The following DMXL1 variants were observed in gnomAD, a reference collection of about 807,000 sequenced individuals.
DMXL1 encodes dmX-like protein 1.
A neutral mutation model predicts 319.2 loss-of-function variants in DMXL1; 99 were observed. The ratio of observed to expected loss-of-function variants is 0.31; its 90% CI spans 0.26 to 0.37. The LOEUF is 0.37. DMXL1 is among the 10% of genes least tolerant of loss of function. The pLI, the probability that DMXL1 is intolerant of heterozygous loss-of-function variation, is 1.00. For missense variants in DMXL1, 3,745 were observed against 3,595.6 expected (o/e 1.04, Z -1.06); for synonymous variants, 1,385 against 1,235.2 (o/e 1.12, Z -2.54).
intron 29 of DMXL1, 96 bp downstream of exon 29, chr5:119,189,982 C>A (rs937722334): frequency 6.3e-6 from 8 of 1,271,992 alleles, no homozygotes; most frequent in Non-Finnish European, 8.7e-6. Context: ...AAATGTTTTC[C>A]CACTTTGGTT....
chr5:119,238,667 A>G (rs1282825599), intron 40 of DMXL1, among the ~76,000 whole-genome samples: 1 of 152,216 alleles, frequency 6.6e-6, no homozygotes, highest in Non-Finnish European at 1.5e-5. Flanking sequence ...AAAAGCAAAG[A>G]GATTCATAAC....
chr5:119,128,015 G>C (rs1018143864), intron 9 of DMXL1: 3 of 411,830 alleles, frequency 7.3e-6, no homozygotes, highest in African/African-American at 6.3e-5. Context: ...TCTGACATCT[G>C]TTTTATCATG....
At chr5:119,136,993 A>G (rs1766150564) in intron 13 of DMXL1, among the ~76,000 whole-genome samples, 1 of 152,218 alleles carries the variant, frequency 6.6e-6, no homozygotes, top group East Asian at 1.9e-4. Context: ...CCAGACCCCA[A>G]AAAGGTAGAT....
rs200387872 is a variant in DMXL1, at chr5:119,247,027, T to A, written c.8955T>A (p.His2985Gln). The change falls in exon 44 of 44, where the codon CAT (histidine) becomes CAA (glutamine). Residue 2985 changes from histidine (H) to glutamine (Q), a missense_variant. Around this residue, in one of 4 missense-constraint regions of DMXL1, gnomAD observed 262 missense variants for 320.5 expected, o/e 0.82. Transcript: ENST00000539542. ...IWSLSTFGLL[H>Q]TFVSEHARQS... is the part of the protein sequence containing the mutation. ...GTCTCTCTACCTTTGGTCTTCTCCA[T>A]ACTTTTGTCAGTGAACATGCTCGGC... 4.3e-6 allele frequency: 7 copies of A among 1,613,824 alleles called. No individual in the cohort carries two copies. The South Asian group carries it at 5.5e-5, about 13-fold the overall frequency.
chr5:119,091,882 G>C (rs1326789691), intron 1 of DMXL1, among the ~76,000 whole-genome samples: 1 of 152,156 alleles, frequency 6.6e-6, no homozygotes, highest in Admixed American at 6.6e-5. Flanking sequence ...TATTTTCAGG[G>C]ATGCAGATAA....
Position 119,166,645 on chromosome 5 carries a change from T to G in DMXL1, c.5000T>G (p.Phe1667Cys). ...RAEKNTRMTQFFGHNFEDERW... is the reference protein window; with the variant it reads ...RAEKNTRMTQCFGHNFEDERW... ...GAAAAAAACACCAGGATGACACAGT[T>G]TTTTGGACACAATTTTGAGGATGAG... The change falls in exon 22 of 44, where the codon TTT (phenylalanine) becomes TGT (cysteine). Residue 1667 changes from phenylalanine (F) to cysteine (C), a missense_variant. Physicochemically the swap from Phe to Cys is radical, Grantham distance 205. This residue lies in a region of DMXL1 where 2,096 missense variants were observed against 1,985.4 expected (regional missense o/e 1.06). Transcript: ENST00000539542. The G allele has an allele frequency of 6.2e-7, 1 of 1,610,700 alleles. No homozygotes were observed.
chr5:119,221,112 T>C, intron 37 of DMXL1, 31 bp downstream of exon 37: 1 of 1,506,720 alleles, frequency 6.6e-7, no homozygotes, highest in Non-Finnish European at 9.0e-7. Context: ...ATTTAAGTTA[T>C]ATGTAACTTT....
chr5:119,222,634 C>T (rs1361390207), intron 37 of DMXL1, among the ~76,000 whole-genome samples: 1 of 152,142 alleles, frequency 6.6e-6, no homozygotes, highest in African/African-American at 2.4e-5. Flanking sequence ...ACAGCAGCAG[C>T]CAGTTACTCT....
intron 9 of DMXL1, among the ~76,000 whole-genome samples, chr5:119,126,512 T>C (rs375992858): frequency 1.3e-4 from 20 of 152,202 alleles, no homozygotes; most frequent in African/African-American, 4.8e-4. Flanking sequence ...ATCTATTCAA[T>C]AAAAGACAAA....
intron 43 of DMXL1, among the ~76,000 whole-genome samples, chr5:119,244,947 A>G (rs535308711): frequency 2.0e-5 from 3 of 152,244 alleles, no homozygotes; most frequent in African/African-American, 7.2e-5. Context: ...CCAGTTTTTC[A>G]TATATATTAT....
Position 119,128,861 on chromosome 5 carries a change from C to T in DMXL1, c.1103-350C>T, listed in dbSNP as rs200437915. Among the ~76,000 whole-genome samples the T allele has an allele frequency of 8.5e-3, 1,297 of 152,128 alleles. 10 individuals carry two copies. The highest frequency in any genetic ancestry group is 0.015 in the Non-Finnish European group (1,048 of 67,988). On this transcript the variant is annotated intron_variant, in intron 9 of 43. Transcript: ENST00000539542. ...CAGGTAGATCACGAGGTTGGGAGAT[C>T]GAGACCATCTTGGCCAGCGTGGTGA...
intron 30 of DMXL1, among the ~76,000 whole-genome samples, chr5:119,195,285 A>G (rs1433773133): frequency 6.6e-6 from 1 of 152,210 alleles, no homozygotes; most frequent in Non-Finnish European, 1.5e-5. Context: ...TGAAACAGGT[A>G]TTTGTACTTC....
intron 13 of DMXL1, among the ~76,000 whole-genome samples, chr5:119,137,464 T>C (rs1324765516): frequency 2.0e-5 from 3 of 152,170 alleles, no homozygotes; most frequent in Non-Finnish European, 4.4e-5. Context: ...GGTTTTGAAA[T>C]GTGAAAAGGG....
rs1365869322 is a variant in DMXL1, at chr5:119,166,633, G to T, written c.4988G>T (p.Arg1663Met). 1 of 1,608,468 alleles carries T rather than the reference G, an allele frequency of 6.2e-7. No individual in the cohort carries two copies. The highest frequency in any genetic ancestry group is 1.1e-5 in the South Asian group (1 of 89,502). ...CTTTATAGAGCTGAAAAAAACACCA[G>T]GATGACACAGTTTTTTGGACACAAT... ...WGLYRAEKNT[R>M]MTQFFGHNFE... Residue 1663 changes from arginine to methionine, a missense_variant, in exon 22 of 44, where the codon AGG (arginine) becomes ATG (methionine). Coordinates refer to ENST00000539542, the MANE Select transcript of DMXL1 (RefSeq NM_001290321.3).
intron 26 of DMXL1, among the ~76,000 whole-genome samples, chr5:119,175,672 A>G (rs1203881585): frequency 6.6e-6 from 1 of 152,114 alleles, no homozygotes; most frequent in Non-Finnish European, 1.5e-5. Flanking sequence ...TTGATAAATG[A>G]TATGTATATA....
At chr5:119,177,551 C>G (rs1581172600) in intron 27 of DMXL1, 67 bp downstream of exon 27, 1 of 1,367,124 alleles carries the variant, frequency 7.3e-7, no homozygotes, top group Non-Finnish European at 9.9e-7. Flanking sequence ...AGTAGAAAGA[C>G]TTTTAGTTTT....
chr5:119,075,492 G>T lies in DMXL1; in HGVS notation c.87+3836G>T, dbSNP rs576540331. On this transcript the variant is annotated intron_variant, in intron 1 of 43. Transcript: ENST00000539542. The stretch of plus-strand genomic sequence containing the variant: ...CACCTCAAATGATCCGCCCACCTCG[G>T]CCTCCCCACGTACTGGGATTACAGG... 9.9e-5 allele frequency among the ~76,000 whole-genome samples: 15 copies of T among 152,070 alleles called. No homozygotes were observed. In the South Asian group the frequency reaches 3.1e-3, roughly 32 times the overall value.
At chr5:119,121,186 A>C in intron 9 of DMXL1, 47 bp downstream of exon 9, 1 of 1,461,726 alleles carries the variant, frequency 6.8e-7, no homozygotes, top group Non-Finnish European at 9.2e-7. Flanking sequence ...GAATAGATTG[A>C]TTTTATAACA....
At chr5:119,091,781 G>A (rs1410265444) in intron 1 of DMXL1, among the ~76,000 whole-genome samples, 1 of 152,134 alleles carries the variant, frequency 6.6e-6, no homozygotes, top group African/African-American at 2.4e-5. Context: ...TTCATGTGCT[G>A]GAAACCTGTG....
Sources: gnomAD v4.1 joint callset for allele counts (sites outside exome capture counted in the v4.1 genomes callset) on GRCh38, gnomAD v4.1.1 for gene constraint, gnomAD v4.1.1 regional missense constraint, MANE v1.5 for transcripts, NCBI Gene and HGNC (gene_info 2026-07-23, HGNC 2026-07-21) for gene names.